NOVA2: variants seen among roughly 807,000 people sequenced by gnomAD.
NOVA2 encodes RNA-binding protein Nova-2.
In NOVA2, 9 loss-of-function variants were observed where a neutral mutation model predicts 22.5. The ratio of observed to expected loss-of-function variants is 0.40; its 90% CI spans 0.24 to 0.70. NOVA2 has a LOEUF of 0.70. Ranked by LOEUF, NOVA2 falls within the 30% of genes least tolerant of loss-of-function variation. The pLI is 0.38. For missense variants in NOVA2, 383 were observed against 682.8 expected (o/e 0.56, Z 4.89); for synonymous variants, 318 against 335.2 (o/e 0.95, Z 0.56).
At chr19:45,958,541 CTG>C (rs574626797) in intron 2 of NOVA2, among the ~76,000 whole-genome samples, 27 of 146,756 alleles carry the variant, frequency 1.8e-4, no homozygotes, top group Non-Finnish European at 2.5e-4. Context: ...GTGTGTGTGA[CTG>C]TGTGTAAGCG....
chr19:45,959,154 A>G (rs144815993), intron 2 of NOVA2, among the ~76,000 whole-genome samples: 150 of 152,278 alleles, frequency 9.9e-4, no homozygotes, highest in African/African-American at 3.5e-3. Flanking sequence ...TCACGCCAGG[A>G]GTGGAGGGAA....
At chr19:45,952,160 A>G (rs1967935986) in intron 3 of NOVA2, among the ~76,000 whole-genome samples, 1 of 152,192 alleles carries the variant, frequency 6.6e-6, no homozygotes, top group South Asian at 2.1e-4. Flanking sequence ...CTGTTTCCTG[A>G]CTCAAAAATC....
intron 1 of NOVA2, among the ~76,000 whole-genome samples, chr19:45,972,224 CCCT>C (rs1208740401): frequency 1.3e-5 from 2 of 152,060 alleles, no homozygotes; most frequent in South Asian, 2.1e-4. Context: ...CCCAGCCTCT[CCCT>C]CGTCATACAC....
Position 45,941,713 on chromosome 19 carries a change from A to G in NOVA2, c.397-768T>C, listed in dbSNP as rs541798814. ...GGAGTTTGAGACCAGCCTGGGCAAC[A>G]TAGCGAGATCTTGCCTCTAACATTA... On this transcript the variant is annotated intron_variant, in intron 3 of 3. Coordinates refer to ENST00000263257, the MANE Select transcript of NOVA2 (RefSeq NM_002516.4). 5.3e-5 allele frequency among the ~76,000 whole-genome samples: 8 copies of G among 152,334 alleles called. No homozygotes were observed. The East Asian group carries it at 1.5e-3, about 29-fold the overall frequency.
intron 2 of NOVA2, among the ~76,000 whole-genome samples, chr19:45,959,587 C>G (rs967408281): frequency 2.0e-5 from 3 of 151,636 alleles, no homozygotes; most frequent in African/African-American, 7.3e-5. Context: ...AAAACTGGGC[C>G]AGGGTGGAAG....
At chr19:45,957,862 G>T (rs1172494021) in intron 2 of NOVA2, among the ~76,000 whole-genome samples, 2 of 152,034 alleles carry the variant, frequency 1.3e-5, no homozygotes, top group Admixed American at 6.6e-5. Context: ...ACTTTGGGAG[G>T]CCGAGGCGGG....
At chr19:45,959,796 T>TG (rs1968067118) in intron 2 of NOVA2, among the ~76,000 whole-genome samples, 1 of 72,028 alleles carries the variant, frequency 1.4e-5, no homozygotes, top group South Asian at 4.3e-4. Context: ...AGAGACGGGG[T>TG]GGGGAGAGAG....
intron 1 of NOVA2, among the ~76,000 whole-genome samples, chr19:45,971,136 G>A (rs1195561641): frequency 6.6e-6 from 1 of 152,088 alleles, no homozygotes; most frequent in East Asian, 1.9e-4. Flanking sequence ...CTCAAATCAT[G>A]TCTCCCAGGG....
chr19:45,939,560 A>C lies in NOVA2; in HGVS notation c.*303T>G. 6.1e-6 allele frequency: 2 copies of C among 329,392 alleles called. No individual in the cohort carries two copies. The highest frequency in any genetic ancestry group is 5.5e-5 in the East Asian group (1 of 18,128). The allele number at this position is 329,392 out of a possible 1,614,324, so 20.4% of individuals were successfully genotyped here. A position where few individuals can be genotyped will look rare whatever the true frequency, so the allele number is the denominator to read the frequency against. ...TTTCTATTAAAATCAACAAAATGCA[A>C]TATATACAGATATCACACAGACCTG... On this transcript the variant is annotated 3_prime_UTR_variant, in exon 4 of 4. Transcript: ENST00000263257.
chr19:45,955,023 GA>G (rs1045535138), intron 2 of NOVA2, among the ~76,000 whole-genome samples: 70 of 152,208 alleles, frequency 4.6e-4, no homozygotes, highest in African/African-American at 1.5e-3. Context: ...TTGTGTGTGG[GA>G]CAGACTTTGG....
At chr19:45,950,237 C>A (rs192077150) in intron 3 of NOVA2, among the ~76,000 whole-genome samples, 1 of 151,596 alleles carries the variant, frequency 6.6e-6, no homozygotes, top group African/African-American at 2.4e-5. Flanking sequence ...CGGCTCACTG[C>A]AGCCTCCGCC....
At position 45,973,657 on chromosome 19, in the gene NOVA2, GT is replaced by G. The variant is rs1444211378; in HGVS notation, c.-307del. The stretch of plus-strand genomic sequence containing the variant: ...GGAGCCCCGGAGAGGGAAGGCGGGG[GT>G]AGGGGGGAGCCGGTTCTCGGGGGGC... On this transcript the variant is annotated 5_prime_UTR_variant, in exon 1 of 4. Transcript: ENST00000263257. 8.1e-6 allele frequency: 1 copy of G among 123,742 alleles called. No homozygotes were observed. Among genetic ancestry groups the G allele is most frequent in the African/African-American group, 3.1e-5 (1 of 32,402 alleles). 7.7% of individuals were successfully genotyped at this position (123,742 alleles called of 1,614,324 possible).
chr19:45,962,791 C>T (rs1003569258), intron 1 of NOVA2, among the ~76,000 whole-genome samples: 10 of 152,098 alleles, frequency 6.6e-5, no homozygotes, highest in South Asian at 2.1e-4. Context: ...GGACTACAGG[C>T]GCCCGCCACC....
At chr19:45,968,879 C>T (rs1299435513) in intron 1 of NOVA2, among the ~76,000 whole-genome samples, 1 of 152,108 alleles carries the variant, frequency 6.6e-6, no homozygotes, top group Non-Finnish European at 1.5e-5. Flanking sequence ...AAGAATGTGG[C>T]CGGGCGTGCT....
Position 45,938,928 on chromosome 19 carries a change from T to C in NOVA2, c.*935A>G, listed in dbSNP as rs1967698342. The C allele has an allele frequency of 6.6e-6, 1 of 152,198 alleles. No individual in the cohort carries two copies. Among genetic ancestry groups the C allele is most frequent in the African/African-American group, 2.4e-5 (1 of 41,448 alleles). 9.4% of individuals were successfully genotyped at this position (152,198 alleles called of 1,614,324 possible). A position where few individuals can be genotyped will look rare whatever the true frequency, so the allele number is the denominator to read the frequency against. The stretch of plus-strand genomic sequence containing the variant: ...AAAGTGACCTTCAAGGAAGAACTCA[T>C]TGAGACATCACAGGAAGTACCTGCT... On this transcript the variant is annotated 3_prime_UTR_variant, in exon 4 of 4. Transcript: ENST00000263257.
intron 3 of NOVA2, among the ~76,000 whole-genome samples, chr19:45,943,604 G>T (rs562402764): frequency 9.6e-4 from 145 of 151,800 alleles, no homozygotes; most frequent in Non-Finnish European, 1.6e-3. Context: ...TGTAGTCCCA[G>T]CTACTCAGGA....
rs538677562 is a variant in NOVA2 at position 45,972,612 on chromosome 19, C to G, written c.85+655G>C. Among the ~76,000 whole-genome samples the G allele has an allele frequency of 3.3e-5, 5 of 152,260 alleles. No homozygotes were observed. The East Asian group carries it at 9.6e-4, about 29-fold the overall frequency. ...TCCCCTGTCTTTCTCATACACCCCC[C>G]TATGCTGTCATATTCCTGATCCCTA... On this transcript the variant is annotated intron_variant, in intron 1 of 3. Coordinates refer to ENST00000263257, the MANE Select transcript of NOVA2 (RefSeq NM_002516.4).
intron 1 of NOVA2, among the ~76,000 whole-genome samples, chr19:45,968,794 C>T (rs768130075): frequency 9.2e-5 from 14 of 152,084 alleles, no homozygotes; most frequent in South Asian, 4.1e-4. Flanking sequence ...AAGCACATGA[C>T]GGTGGCAAGA....
chr19:45,943,550 CA>C (rs1020636635), intron 3 of NOVA2, among the ~76,000 whole-genome samples: 19 of 146,052 alleles, frequency 1.3e-4, no homozygotes, highest in African/African-American at 3.5e-4. Flanking sequence ...CCCATCTCTA[CA>C]AAAAAAAAAT....
Sources: allele counts gnomAD v4.1 joint callset (sites outside exome capture counted in the v4.1 genomes callset), GRCh38; gene constraint gnomAD v4.1.1; transcripts MANE v1.5; gene names NCBI Gene and HGNC (gene_info 2026-07-23, HGNC 2026-07-21).